The following MANBA variants were observed in gnomAD, a reference collection of about 807,000 sequenced individuals.
MANBA encodes the protein mannosidase beta.
Under a neutral mutation model 111.1 loss-of-function variants are expected in MANBA, and 83 were observed. The ratio of observed to expected loss-of-function variants is 0.75; its 90% confidence interval spans 0.63 to 0.90. The LOEUF is 0.90. MANBA is among the 40% of genes least tolerant of loss of function. The pLI is 0.00. For missense variants in MANBA, 1,036 were observed against 1,069.0 expected, an observed-to-expected ratio of 0.97 and a Z score of 0.43; for synonymous variants, 370 against 378.7, an observed-to-expected ratio of 0.98 and a Z score of 0.27.
intron 1 of MANBA, among the ~76,000 whole-genome samples, chr4:102,759,566 GAAAAA>G (rs33991375): frequency 1.1e-4 from 15 of 138,812 alleles, no homozygotes; most frequent in Non-Finnish European, 2.2e-4. Context: ...CACATCTCAG[GAAAAA>G]AAAAAAAAAA....
intron 1 of MANBA, among the ~76,000 whole-genome samples, chr4:102,745,494 C>T (rs779792975): frequency 6.6e-6 from 1 of 152,138 alleles, no homozygotes; most frequent in Non-Finnish European, 1.5e-5. Flanking sequence ...TCTTCTGGAC[C>T]CTCCCAGCTG....
At chr4:102,742,509 T>C (rs1487020502) in intron 1 of MANBA, among the ~76,000 whole-genome samples, 2 of 152,162 alleles carry the variant, frequency 1.3e-5, no homozygotes. Flanking sequence ...CAGTTGGCAT[T>C]GTAATTGTGA....
chr4:102,659,314 G>A (rs915864319), intron 11 of MANBA, among the ~76,000 whole-genome samples: 1 of 152,158 alleles, frequency 6.6e-6, no homozygotes, highest in Non-Finnish European at 1.5e-5. Context: ...ACATATTACA[G>A]AAGGCCAGTA....
intron 1 of MANBA, among the ~76,000 whole-genome samples, chr4:102,756,742 T>G (rs964143559): frequency 6.7e-6 from 1 of 148,328 alleles, no homozygotes; most frequent in African/African-American, 2.5e-5. Flanking sequence ...GAGTGATGTT[T>G]CCAACCTTCT....
chr4:102,660,247 G>T (rs142353220), intron 11 of MANBA, among the ~76,000 whole-genome samples: 291 of 152,104 alleles, frequency 1.9e-3, no homozygotes, highest in African/African-American at 6.6e-3. Flanking sequence ...CAGTCACTCT[G>T]AGTAGTAGCA....
intron 5 of MANBA, among the ~76,000 whole-genome samples, chr4:102,697,739 T>G (rs1463497388): frequency 6.6e-6 from 1 of 151,144 alleles, no homozygotes; most frequent in Non-Finnish European, 1.5e-5. Flanking sequence ...TGCCACATTT[T>G]CTTAATCCAG....
At chr4:102,727,432 G>T in intron 1 of MANBA, 1 of 1,234,894 alleles carries the variant, frequency 8.1e-7, no homozygotes, top group Non-Finnish European at 1.2e-6. Context: ...CTTGGTATAG[G>T]CCAATTGCAC....
chr4:102,716,960 AT>A (rs1722362213), intron 4 of MANBA, among the ~76,000 whole-genome samples: 1 of 152,210 alleles, frequency 6.6e-6, no homozygotes, highest in Non-Finnish European at 1.5e-5. Context: ...ATCTGTCTAA[AT>A]TTACCACTTA....
In MANBA at chr4:102,635,949, C is replaced by G; in HGVS notation, c.2073G>C (p.Leu691=). 6.2e-7 allele frequency: 1 copy of G among 1,612,758 alleles called. No homozygotes were observed. Among genetic ancestry groups the G allele is most frequent in the African/African-American group, 1.3e-5 (1 of 75,008 alleles). The change falls in exon 15 of 17, where the codon CTG becomes CTC. Residue 691 remains leucine, a synonymous_variant. Coordinates refer to ENST00000647097, the MANE Select transcript of MANBA (RefSeq NM_005908.4). ...TTTCATTCTCAAAGCCTACTGGCAA[C>G]AGTGGAGCAAAGAAATTCTGAGCAA... is the stretch of plus-strand genomic sequence containing the variant. ...HYFAQNFFAP[L]LPVGFENENT... is the part of the protein sequence containing the mutation.
rs1035305358 is a variant in MANBA, at chr4:102,723,961, C to T, written c.279G>A (p.Trp93Ter). 2 of 1,591,974 alleles carry T rather than the reference C, an allele frequency of 1.3e-6. No individual in the cohort carries two copies. Among genetic ancestry groups the T allele is most frequent in the Non-Finnish European group, 1.7e-6 (2 of 1,161,856 alleles). The change falls in exon 3 of 17, where the codon TGG (tryptophan) becomes TGA (stop). Residue 93 changes from tryptophan to a stop codon, truncating the protein, a stop_gained. Coordinates refer to ENST00000647097, the MANE Select transcript of MANBA (RefSeq NM_005908.4). LOFTEE classifies it high-confidence loss of function. ...EFKIPFEISK[W>*]QKVNLILEGV... Reference sequence around the variant, plus strand: ...CCTCAAGAATCAAATTTACTTTTTGCCATTTGCTAAAAAAAAGAAAAGATT... The same window carrying T: ...CCTCAAGAATCAAATTTACTTTTTGTCATTTGCTAAAAAAAAGAAAAGATT...
Position 102,760,951 on chromosome 4 carries a change from C to T in MANBA, c.-57G>A, listed in dbSNP as rs986262026. The T allele has an allele frequency of 3.3e-6, 5 of 1,500,532 alleles. No individual in the cohort carries two copies. The African/African-American group carries it at 6.9e-5, about 21-fold the overall frequency. 93.0% of individuals were successfully genotyped at this position (1,500,532 alleles called of 1,614,324 possible). A position where few individuals can be genotyped will look rare whatever the true frequency, so the allele number is the denominator to read the frequency against. On this transcript the variant is annotated 5_prime_UTR_variant, in exon 1 of 17. Transcript: ENST00000647097. ...GATCGAAAGGCAGCGCTGCAAGGGACCGGCGGTGAAGCCACTCACCCCCTC... is the reference window on the plus strand; with the variant it reads ...GATCGAAAGGCAGCGCTGCAAGGGATCGGCGGTGAAGCCACTCACCCCCTC...
intron 1 of MANBA, chr4:102,727,253 C>G (rs1722845908): frequency 4.2e-6 from 2 of 478,994 alleles, no homozygotes; most frequent in Non-Finnish European, 7.7e-6. Flanking sequence ...TTTCATGTTT[C>G]TGTGTGGTCC....
At chr4:102,729,784 T>G (rs1722959860) in intron 1 of MANBA, 4 of 1,192,708 alleles carry the variant, frequency 3.4e-6, no homozygotes, top group Non-Finnish European at 5.0e-6. Context: ...TGAGCCATCT[T>G]CTGCTGCTGC....
rs765789 is a variant in MANBA at position 102,639,588 on chromosome 4, A to T, written c.2014+125T>A. On this transcript the variant is annotated intron_variant, in intron 14 of 16. Transcript: ENST00000647097. ...TGTAGTTCCTAGGCAGGCTTTTTAA[A>T]GAATGACTCTTTTGGTCATAGTTCT... 259,816 of 1,320,828 alleles carry T rather than the reference A, an allele frequency of 0.2. 27,676 individuals carry two copies. The highest frequency in any genetic ancestry group is 0.36 in the African/African-American group (24,978 of 68,728). 81.8% of individuals were successfully genotyped at this position (1,320,828 alleles called of 1,614,324 possible).
At chr4:102,654,336 T>C (rs990318519) in intron 12 of MANBA, among the ~76,000 whole-genome samples, 2 of 152,298 alleles carry the variant, frequency 1.3e-5, no homozygotes, top group Non-Finnish European at 2.9e-5. Flanking sequence ...AATTTCACAA[T>C]GTATATATGT....
At chr4:102,642,411 T>C (rs1266638154) in intron 13 of MANBA, among the ~76,000 whole-genome samples, 2 of 152,118 alleles carry the variant, frequency 1.3e-5, no homozygotes, top group African/African-American at 4.8e-5. Context: ...ATGGAGATCA[T>C]CCTGGCTAAC....
At chr4:102,644,362 A>G (rs956629173) in intron 13 of MANBA, among the ~76,000 whole-genome samples, 13 of 152,180 alleles carry the variant, frequency 8.5e-5, no homozygotes, top group African/African-American at 2.9e-4. Context: ...ATTATTTACA[A>G]TAGCCAAGAT....
In MANBA at chr4:102,690,610, C is replaced by T; in HGVS notation, c.835G>A (p.Val279Met). The T allele has an allele frequency of 6.2e-7, 1 of 1,611,380 alleles. No individual in the cohort carries two copies. ...QPGKRIVELFVNISKNITVET... is the reference protein window; with the variant it reads ...QPGKRIVELFMNISKNITVET... ...CCATCATTTACCTTGCTAATGTTCA[C>T]AAATAGCTCAACAATCCTTTTCCCA... Residue 279 changes from valine to methionine, a missense_variant, in exon 6 of 17, where the codon GTG (valine) becomes ATG (methionine). By Grantham distance (21) the Val-to-Met change is conservative (BLOSUM62 1). Coordinates refer to ENST00000647097, the MANE Select transcript of MANBA (RefSeq NM_005908.4).
intron 12 of MANBA, among the ~76,000 whole-genome samples, chr4:102,652,627 A>G (rs949034626): frequency 1.3e-5 from 2 of 152,168 alleles, no homozygotes; most frequent in Non-Finnish European, 2.9e-5. Flanking sequence ...GCAGTGTTTC[A>G]CACCTGTAAT....
Sources: gnomAD v4.1 joint callset for allele counts (sites outside exome capture counted in the v4.1 genomes callset) on GRCh38, gnomAD v4.1.1 for gene constraint, MANE v1.5 for transcripts, NCBI Gene and HGNC (gene_info 2026-07-23, HGNC 2026-07-21) for gene names.